The following CHST15 variants were observed in gnomAD, a reference collection of about 807,000 sequenced individuals.
CHST15 encodes B cell RAG associated protein (GALNAC4S-6ST).
CHST15 carries 30 observed loss-of-function variants against 53.6 expected under a neutral mutation model. The ratio of observed to expected loss-of-function variants is 0.56; its 90% CI spans 0.42 to 0.76. The LOEUF (loss-of-function observed/expected upper bound fraction) is 0.76. Among genes scored for constraint, CHST15 ranks in the 30% least tolerant of loss-of-function variants. The pLI is 0.00. For synonymous variants in CHST15, 296 were observed against 289.8 expected (o/e 1.02, Z -0.22); for missense variants, 627 against 740.5 (o/e 0.85, Z 1.78).
chr10:124,048,557 C>G (rs1007460706), intron 1 of CHST15, among the ~76,000 whole-genome samples: 22 of 152,248 alleles, frequency 1.4e-4, no homozygotes, highest in Non-Finnish European at 4.4e-5. Context: ...TCAACCACCC[C>G]TGACCCATCG....
At chr10:124,039,910 G>C (rs1947673510) in intron 4 of CHST15, among the ~76,000 whole-genome samples, 1 of 152,132 alleles carries the variant, frequency 6.6e-6, no homozygotes, top group African/African-American at 2.4e-5. Context: ...CCAGATGACT[G>C]AGTCTCTTTG....
chr10:124,058,664 G>C (rs990346461), intron 1 of CHST15, among the ~76,000 whole-genome samples: 11 of 152,310 alleles, frequency 7.2e-5, no homozygotes, highest in Admixed American at 4.6e-4. Flanking sequence ...AGGAGGCGAG[G>C]CTGGACTACA....
In CHST15 at chr10:124,047,281, G is replaced by A. The variant is rs114386917; in HGVS notation, c.-512-557C>T. ...ATCAGATTAGGAAGCAAAAGTTAAT[G>A]AAAATTTAGAAACAATGAAATGAGT... On this transcript the variant is annotated intron_variant, in intron 1 of 7. Coordinates refer to ENST00000435907, the MANE Select transcript of CHST15 (RefSeq NM_001270764.2). 9.8e-3 allele frequency among the ~76,000 whole-genome samples: 1,485 copies of A among 152,264 alleles called. 22 individuals carry two copies. The highest frequency in any genetic ancestry group is 0.033 in the African/African-American group (1,384 of 41,546).
chr10:124,011,301 G>T (rs1946411839), intron 7 of CHST15: 6 of 814,586 alleles, frequency 7.4e-6, no homozygotes, highest in Non-Finnish European at 7.4e-6. Context: ...CACAGAATTG[G>T]CCTTACTATC....
chr10:124,075,322 C>T (rs1040268460), intron 1 of CHST15, among the ~76,000 whole-genome samples: 1 of 152,202 alleles, frequency 6.6e-6, no homozygotes, highest in Non-Finnish European at 1.5e-5. Context: ...TAGCTTTGGC[C>T]TCCAGCACTG....
At chr10:124,013,883 T>G (rs1042116472) in intron 6 of CHST15, among the ~76,000 whole-genome samples, 1 of 151,978 alleles carries the variant, frequency 6.6e-6, no homozygotes, top group Non-Finnish European at 1.5e-5. Flanking sequence ...CTCCCTTTGT[T>G]TATGCCCCAT....
chr10:124,088,100 G>A (rs562042479), intron 1 of CHST15, among the ~76,000 whole-genome samples: 7 of 152,318 alleles, frequency 4.6e-5, no homozygotes, highest in East Asian at 1.9e-4. Context: ...AATATCACCC[G>A]AGCCAGTGTT....
chr10:124,041,737 TA>T (rs1326306056), intron 4 of CHST15, among the ~76,000 whole-genome samples: 4 of 152,228 alleles, frequency 2.6e-5, no homozygotes, highest in South Asian at 2.1e-4. Flanking sequence ...TGTGAATATT[TA>T]AAACAAATTA....
At chr10:124,044,208 C>T (rs917041452) in intron 3 of CHST15, among the ~76,000 whole-genome samples, 3 of 151,992 alleles carry the variant, frequency 2.0e-5, no homozygotes, top group Admixed American at 1.3e-4. Flanking sequence ...GAGCTGGGAG[C>T]GGCACAGAGC....
At position 124,024,064 on chromosome 10, in the gene CHST15, C is replaced by T. The variant is rs189000211; in HGVS notation, c.1191-2652G>A. 3.0e-4 allele frequency among the ~76,000 whole-genome samples: 46 copies of T among 152,208 alleles called. No homozygotes were observed. Among genetic ancestry groups the T allele is most frequent in the Middle Eastern group, 3.4e-3 (1 of 294 alleles). Reference sequence around the variant, plus strand: ...TTCACTGTGTTGGCCAGGCTGGTCTCGAACTCCAGACCTCAGGTGATCCAC... The same window carrying T: ...TTCACTGTGTTGGCCAGGCTGGTCTTGAACTCCAGACCTCAGGTGATCCAC... On this transcript the variant is annotated intron_variant, in intron 5 of 7. Coordinates refer to ENST00000435907, the MANE Select transcript of CHST15 (RefSeq NM_001270764.2). This position sits in a 1 kb window ranked among gnomAD's most constrained non-coding sequence, Gnocchi z 4.0.
Position 124,062,766 on chromosome 10 carries a change from C to T in CHST15, c.-512-16042G>A, listed in dbSNP as rs932074548. Among the ~76,000 whole-genome samples the T allele has an allele frequency of 4.6e-5, 7 of 152,034 alleles. 1 individual carries two copies. The highest frequency in any genetic ancestry group is 1.7e-4 in the African/African-American group (7 of 41,398). ...ACTTTTAAAAAGGATGAAGGGAGCC[C>T]GAGGCTCTGACAGTGAAGTGGCTGG... is the stretch of plus-strand genomic sequence containing the variant. On this transcript the variant is annotated intron_variant, in intron 1 of 7. Coordinates refer to ENST00000435907, the MANE Select transcript of CHST15 (RefSeq NM_001270764.2).
intron 1 of CHST15, among the ~76,000 whole-genome samples, chr10:124,057,113 C>G (rs1948410918): frequency 6.6e-6 from 1 of 152,256 alleles, no homozygotes; most frequent in South Asian, 2.1e-4. Flanking sequence ...GATCACTAAC[C>G]TGGCTGGTCA....
intron 1 of CHST15, among the ~76,000 whole-genome samples, chr10:124,056,572 CGGGCAG>C (rs1368644960): frequency 6.6e-6 from 1 of 152,150 alleles, no homozygotes; most frequent in Admixed American, 6.5e-5. Context: ...GAAAGAAAGG[CGGGCAG>C]GGGCAGGGGA....
chr10:124,045,140 A>AAAT (rs1947945083), intron 2 of CHST15, among the ~76,000 whole-genome samples: 5 of 149,236 alleles, frequency 3.4e-5, no homozygotes, highest in Non-Finnish European at 7.4e-5. Flanking sequence ...AAAAAAAAAA[A>AAAT]AAAACTTGGA....
At chr10:124,079,678 G>A (rs1031292019) in intron 1 of CHST15, among the ~76,000 whole-genome samples, 2 of 152,232 alleles carry the variant, frequency 1.3e-5, no homozygotes, top group East Asian at 1.9e-4. Flanking sequence ...TCTTACTGAC[G>A]AGGAGACAGA....
At chr10:124,011,388 G>C (rs1455738082) in intron 7 of CHST15, 2 of 984,438 alleles carry the variant, frequency 2.0e-6, no homozygotes, top group Non-Finnish European at 2.4e-6. Context: ...ATGATTCTAA[G>C]CCTTGGAAGG....
Position 124,010,156 on chromosome 10 carries a change from G to C in CHST15, c.1679C>G (p.Thr560Arg). The C allele has an allele frequency of 6.2e-7, 1 of 1,612,758 alleles. No homozygotes were observed. Among genetic ancestry groups the C allele is most frequent in the Non-Finnish European group, 8.5e-7 (1 of 1,180,044 alleles). Residue 560 changes from threonine (T) to arginine (R), a missense_variant, in exon 8 of 8, where the codon ACG becomes AGG. Physicochemically the swap from Thr to Arg is moderately conservative, Grantham distance 71. Transcript: ENST00000435907. ...VLADEAFAWKTT is the reference protein window; with the variant it reads ...VLADEAFAWKRT ...GCAGCAACAATTCAGCTCTCACGTC[G>C]TCTTCCACGCAAACGCCTCATCCGC...
At chr10:124,068,692 C>T (rs550097991) in intron 1 of CHST15, among the ~76,000 whole-genome samples, 2 of 152,200 alleles carry the variant, frequency 1.3e-5, no homozygotes, top group South Asian at 2.1e-4. Context: ...CTTCTAAGTC[C>T]GTTGTGAAAA....
rs755568421 is a variant in CHST15, at chr10:124,007,754, C to T, written c.*2395G>A. Reference sequence around the variant, plus strand: ...ATGTTAAATATTAATAAAAGTACAGCGTAACTGCGATTCACTTAACATACC... The same window carrying T: ...ATGTTAAATATTAATAAAAGTACAGTGTAACTGCGATTCACTTAACATACC... On this transcript the variant is annotated 3_prime_UTR_variant, in exon 8 of 8. Transcript: ENST00000435907. The T allele has an allele frequency of 4.9e-5, 60 of 1,230,590 alleles. No homozygotes were observed. Among genetic ancestry groups the T allele is most frequent in the Middle Eastern group, 3.1e-4 (1 of 3,224 alleles). 76.2% of individuals were successfully genotyped at this position (1,230,590 alleles called of 1,614,324 possible).
Sources: gnomAD v4.1 joint callset for allele counts (sites outside exome capture counted in the v4.1 genomes callset) on GRCh38, gnomAD v4.1.1 for gene constraint, Gnocchi (gnomAD v3.1) non-coding constraint, MANE v1.5 for transcripts, NCBI Gene and HGNC (gene_info 2026-07-23, HGNC 2026-07-21) for gene names.